The following TACC2 variants were observed in gnomAD, a reference collection of about 807,000 sequenced individuals.
TACC2 encodes transforming acidic coiled-coil containing protein 2.
TACC2 carries 137 observed loss-of-function variants against 227.3 expected under a neutral mutation model. The ratio of observed to expected loss-of-function variants is 0.60; its 90% CI spans 0.52 to 0.69. The LOEUF (loss-of-function observed/expected upper bound fraction) is 0.69, where lower values mean the gene tolerates loss of function less well. Ranked by LOEUF, TACC2 falls within the 30% of genes least tolerant of loss-of-function variation. The pLI is 0.00. For synonymous variants in TACC2, 1,523 were observed against 1,487.5 expected (o/e 1.02, Z -0.55); for missense variants, 3,470 against 3,694.4 (o/e 0.94, Z 1.57).
chr10:122,043,927 T>C (rs925162401), intron 2 of TACC2, among the ~76,000 whole-genome samples: 5 of 152,194 alleles, frequency 3.3e-5, no homozygotes, highest in Admixed American at 2.0e-4. Flanking sequence ...GTTGCAAAGA[T>C]TGTATGGAGA....
intron 18 of TACC2, 69 bp from the exon 19 acceptor site, chr10:122,241,889 C>G: frequency 7.0e-7 from 1 of 1,434,402 alleles, no homozygotes. Flanking sequence ...CAGGCTGTGG[C>G]GTCCAGCTGT....
rs1395262725 is a variant in TACC2 at position 122,216,790 on chromosome 10, C to T, written c.7508C>T (p.Thr2503Ile). 2 of 1,614,114 alleles carry T rather than the reference C, an allele frequency of 1.2e-6. No homozygotes were observed. Among genetic ancestry groups the T allele is most frequent in the South Asian group, 1.1e-5 (1 of 91,062 alleles). The change falls in exon 11 of 23, where the codon ACC becomes ATC. Residue 2503 changes from threonine to isoleucine, a missense_variant. Transcript: ENST00000369005. ...QDYPQPSDLS[T>I]FVNETKFSSP... ...TACCCGCAGCCCTCGGACCTGTCCACCTTTGTAAACGAGACCAAATTCAGT... is the reference window on the plus strand; with the variant it reads ...TACCCGCAGCCCTCGGACCTGTCCATCTTTGTAAACGAGACCAAATTCAGT...
chr10:122,076,706 T>C (rs1035448004), intron 3 of TACC2, among the ~76,000 whole-genome samples: 2 of 149,818 alleles, frequency 1.3e-5, no homozygotes, highest in Non-Finnish European at 3.0e-5. Context: ...TTCACAGAAG[T>C]ATTAAAAAAA....
chr10:122,003,951 C>T (rs1954742209), intron 1 of TACC2, among the ~76,000 whole-genome samples: 1 of 152,038 alleles, frequency 6.6e-6, no homozygotes, highest in South Asian at 2.1e-4. Flanking sequence ...CTACTGCGCC[C>T]AGCCCTAAAC....
intron 1 of TACC2, among the ~76,000 whole-genome samples, chr10:122,010,224 C>T (rs896322762): frequency 3.3e-5 from 5 of 152,156 alleles, no homozygotes; most frequent in Admixed American, 6.6e-5. Flanking sequence ...CATCCCTCTC[C>T]CTTGCCTTAA....
At chr10:122,107,812 C>T (rs2083008068) in intron 5 of TACC2, among the ~76,000 whole-genome samples, 1 of 148,538 alleles carries the variant, frequency 6.7e-6, no homozygotes, top group Non-Finnish European at 1.5e-5. Context: ...AGTGTGTAGT[C>T]TATATCCCTC....
chr10:122,108,797 G>A (rs1045909764), intron 5 of TACC2, among the ~76,000 whole-genome samples: 12 of 150,054 alleles, frequency 8.0e-5, no homozygotes, highest in Non-Finnish European at 1.0e-4. Context: ...GCAATGGTGC[G>A]ATCCCGGCTC....
At chr10:122,206,409 G>A (rs1447479147) in intron 8 of TACC2, among the ~76,000 whole-genome samples, 1 of 152,214 alleles carries the variant, frequency 6.6e-6, no homozygotes, top group Admixed American at 6.5e-5. Flanking sequence ...CCTTTAAGGA[G>A]ACAGTTAAGG....
chr10:122,028,857 TCTCCC>T (rs1444703128), intron 2 of TACC2, among the ~76,000 whole-genome samples: 3 of 3,852 alleles, frequency 7.8e-4, no homozygotes, highest in African/African-American at 2.6e-3. Context: ...CCTCCCCTCC[TCTCCC>T]CTCCCCTTCC....
chr10:122,021,671 C>G (rs1957358253), intron 1 of TACC2, among the ~76,000 whole-genome samples: 3 of 152,162 alleles, frequency 2.0e-5, no homozygotes, highest in African/African-American at 4.8e-5. Context: ...TACGCTGGCA[C>G]TAGCTCAGAG....
At position 122,087,778 on chromosome 10, in the gene TACC2, G is replaced by T; in HGVS notation, c.5278G>T (p.Gly1760Cys). 2 of 1,602,508 alleles carry T rather than the reference G, an allele frequency of 1.2e-6. No individual in the cohort carries two copies. Among genetic ancestry groups the T allele is most frequent in the Non-Finnish European group, 8.5e-7 (1 of 1,174,040 alleles). ...ACSDKAPGME[G>C]TAALHGDSPA... is the part of the protein sequence containing the mutation. ...CTCTGACAAGGCTCCGGGGATGGAG[G>T]GTACAGCTGCCCTTCATGGGGACAG... Residue 1760 changes from glycine (G) to cysteine (C), a missense_variant, in exon 4 of 23, where the codon GGT becomes TGT. Around this residue, in one of 10 missense-constraint regions of TACC2, gnomAD observed 1,924 missense variants for 1,978.3 expected, o/e 0.97. Transcript: ENST00000369005.
chr10:122,136,517 A>ATATG (rs1555066843), intron 6 of TACC2, among the ~76,000 whole-genome samples: 1 of 137,318 alleles, frequency 7.3e-6, no homozygotes, highest in Non-Finnish European at 1.6e-5. Context: ...ATATATATAT[A>ATATG]TGTGTGTATG....
intron 5 of TACC2, among the ~76,000 whole-genome samples, chr10:122,118,452 C>T (rs2085131944): frequency 6.6e-6 from 1 of 152,192 alleles, no homozygotes; most frequent in Non-Finnish European, 1.5e-5. Context: ...GCTAACAACC[C>T]CTGCGTCATT....
intron 8 of TACC2, among the ~76,000 whole-genome samples, chr10:122,195,960 C>T (rs937225086): frequency 6.6e-6 from 1 of 152,192 alleles, no homozygotes; most frequent in African/African-American, 2.4e-5. Flanking sequence ...CTTCCTTGGC[C>T]CACAGCCTTC....
chr10:122,010,771 G>A (rs1466485390), intron 1 of TACC2, among the ~76,000 whole-genome samples: 1 of 152,226 alleles, frequency 6.6e-6, no homozygotes, highest in Non-Finnish European at 1.5e-5. Flanking sequence ...AGGAAAGTGA[G>A]AGCCTCTGGG....
At chr10:122,039,007 ACT>A (rs983935682) in intron 2 of TACC2, among the ~76,000 whole-genome samples, 26 of 152,100 alleles carry the variant, frequency 1.7e-4, no homozygotes, top group Middle Eastern at 3.4e-3. Flanking sequence ...ACGGAGTCTC[ACT>A]CTGTCAGCCA....
intron 11 of TACC2, among the ~76,000 whole-genome samples, chr10:122,221,630 T>C (rs2095525625): frequency 6.6e-6 from 1 of 152,152 alleles, no homozygotes; most frequent in South Asian, 2.1e-4. Flanking sequence ...CCCTGGACTC[T>C]TTTCTTCTCC....
intron 2 of TACC2, among the ~76,000 whole-genome samples, chr10:122,037,926 GT>G: frequency 6.6e-6 from 1 of 152,138 alleles, no homozygotes; most frequent in South Asian, 2.1e-4. Context: ...TTGTTTGTTT[GT>G]TTGTTTGTTT....
chr10:122,096,519 A>G (rs977846194), intron 5 of TACC2, among the ~76,000 whole-genome samples: 3 of 152,136 alleles, frequency 2.0e-5, no homozygotes, highest in African/African-American at 7.2e-5. Context: ...CAACATGGTA[A>G]AACCCTGTCT....
Sources: allele counts gnomAD v4.1 joint callset (sites outside exome capture counted in the v4.1 genomes callset), GRCh38; gene constraint gnomAD v4.1.1; regional missense constraint gnomAD v4.1.1; transcripts MANE v1.5; gene names NCBI Gene and HGNC (gene_info 2026-07-23, HGNC 2026-07-21).